The following PEPD variants were observed in gnomAD, a reference collection of about 807,000 sequenced individuals.
PEPD encodes xaa-Pro dipeptidase.
PEPD carries 53 observed loss-of-function variants against 60.7 expected under a neutral mutation model. The observed-to-expected ratio is 0.87, with a 90% CI of 0.70 to 1.10. PEPD has a LOEUF of 1.10. Among genes scored for constraint, PEPD ranks in the 50% least tolerant of loss-of-function variants. The pLI, the probability that PEPD is intolerant of heterozygous loss-of-function variation, is 0.00. For missense variants in PEPD, 711 were observed against 711.9 expected, an observed-to-expected ratio of 1.00 and a Z score of 0.01; for synonymous variants, 267 against 284.1, an observed-to-expected ratio of 0.94 and a Z score of 0.60.
intron 6 of PEPD, among the ~76,000 whole-genome samples, chr19:33,489,600 G>T (rs561973661): frequency 6.6e-6 from 1 of 152,066 alleles, no homozygotes; most frequent in South Asian, 2.1e-4. Context: ...TTGCACTCCA[G>T]CCTGGGTGAC....
chr19:33,406,205 A>G lies in PEPD; in HGVS notation c.819-4336T>C, dbSNP rs536869108. Reference sequence around the variant, plus strand: ...CTGTATTTTGCTTTTTTTGGTGACCAGTGTCTCATGATGTCTGGGAGCACC... The same window carrying G: ...CTGTATTTTGCTTTTTTTGGTGACCGGTGTCTCATGATGTCTGGGAGCACC... On this transcript the variant is annotated intron_variant, in intron 11 of 14. Transcript: ENST00000244137. Among the ~76,000 whole-genome samples the G allele has an allele frequency of 5.9e-5, 9 of 152,276 alleles. No individual in the cohort carries two copies. In the East Asian group the frequency reaches 1.7e-3, roughly 29 times the overall value.
At chr19:33,425,596 T>C (rs1320257444) in intron 9 of PEPD, among the ~76,000 whole-genome samples, 1 of 152,228 alleles carries the variant, frequency 6.6e-6, no homozygotes, top group Non-Finnish European at 1.5e-5. Context: ...ACTAGGTATT[T>C]ATCTTGAAGC....
intron 9 of PEPD, among the ~76,000 whole-genome samples, chr19:33,415,063 G>T (rs77619050): frequency 6.6e-6 from 1 of 152,162 alleles, no homozygotes; most frequent in Non-Finnish European, 1.5e-5. Flanking sequence ...AGCCCTGTGC[G>T]CCAGGCCAGA....
At chr19:33,466,163 T>C (rs1256302305) in intron 7 of PEPD, among the ~76,000 whole-genome samples, 1 of 152,160 alleles carries the variant, frequency 6.6e-6, no homozygotes, top group Non-Finnish European at 1.5e-5. Context: ...ATAAAATCAA[T>C]AGGAAGCTTA....
At chr19:33,405,248 G>T (rs376539963) in intron 11 of PEPD, among the ~76,000 whole-genome samples, 4 of 152,238 alleles carry the variant, frequency 2.6e-5, no homozygotes, top group African/African-American at 9.6e-5. Flanking sequence ...GGACCCGCCA[G>T]CCCAGAGGCA....
intron 9 of PEPD, among the ~76,000 whole-genome samples, chr19:33,446,416 G>A (rs12459662): frequency 0.085 from 12,992 of 152,208 alleles, 753 homozygotes; most frequent in Admixed American, 0.18. Flanking sequence ...CTCACCGGAC[G>A]GGTCATCCTG....
intron 7 of PEPD, among the ~76,000 whole-genome samples, chr19:33,473,620 C>T (rs149777553): frequency 5.3e-5 from 8 of 152,308 alleles, no homozygotes; most frequent in Admixed American, 2.0e-4. Context: ...GGTACTTAAC[C>T]GAAACCCAAG....
chr19:33,439,485 A>T (rs1401867347), intron 9 of PEPD, among the ~76,000 whole-genome samples: 1 of 152,216 alleles, frequency 6.6e-6, no homozygotes, highest in Non-Finnish European at 1.5e-5. Context: ...GGCCTAGGCC[A>T]GGGCGGGCTG....
chr19:33,444,104 G>A (rs1157633019), intron 9 of PEPD, among the ~76,000 whole-genome samples: 2 of 152,142 alleles, frequency 1.3e-5, no homozygotes, highest in East Asian at 3.9e-4. Context: ...GTCCTCAGGC[G>A]GGTAGGGCGA....
chr19:33,403,586 CA>C (rs1330619858), intron 11 of PEPD, among the ~76,000 whole-genome samples: 1 of 152,206 alleles, frequency 6.6e-6, no homozygotes, highest in Non-Finnish European at 1.5e-5. Context: ...GGGAGGGAGC[CA>C]GGGGGTGGAG....
intron 10 of PEPD, among the ~76,000 whole-genome samples, chr19:33,412,761 C>T (rs545554066): frequency 4.6e-5 from 7 of 152,316 alleles, no homozygotes; most frequent in African/African-American, 1.2e-4. Context: ...CGGGGACGTG[C>T]GCATTGGCAG....
intron 9 of PEPD, among the ~76,000 whole-genome samples, chr19:33,436,566 A>G (rs1397616804): frequency 4.6e-5 from 7 of 152,174 alleles, no homozygotes; most frequent in Admixed American, 4.6e-4. Context: ...GGGCTGGGAG[A>G]AGAAGATGTT....
intron 9 of PEPD, among the ~76,000 whole-genome samples, chr19:33,437,212 T>C (rs1283655924): frequency 6.6e-6 from 1 of 152,168 alleles, no homozygotes; most frequent in Non-Finnish European, 1.5e-5. Flanking sequence ...CTCTGAATGT[T>C]AGTGTCTCAA....
chr19:33,485,536 T>C (rs1055424416), intron 6 of PEPD, among the ~76,000 whole-genome samples: 2 of 148,910 alleles, frequency 1.3e-5, no homozygotes, highest in Non-Finnish European at 3.0e-5. Flanking sequence ...ATTAACTTGA[T>C]ATCCAAGTTA....
chr19:33,484,898 T>C (rs1295727368), intron 6 of PEPD, among the ~76,000 whole-genome samples: 2 of 152,244 alleles, frequency 1.3e-5, no homozygotes, highest in African/African-American at 2.4e-5. Flanking sequence ...TTTGCCTCCA[T>C]GCTGGTTAGC....
chr19:33,490,121 T>A, intron 5 of PEPD, 64 bp from the exon 6 acceptor site: 1 of 1,135,824 alleles, frequency 8.8e-7, no homozygotes, highest in Non-Finnish European at 1.3e-6. Context: ...CCTGCACCCC[T>A]GAGGCCTCCA....
intron 14 of PEPD, 85 bp downstream of exon 14, chr19:33,387,805 C>G: frequency 8.7e-7 from 1 of 1,147,346 alleles, no homozygotes; most frequent in Non-Finnish European, 1.3e-6. Flanking sequence ...GTCACTAGGG[C>G]CCCTGTCTTG....
intron 1 of PEPD, 51 bp from the exon 2 acceptor site, chr19:33,512,827 A>C: frequency 9.3e-5 from 147 of 1,584,030 alleles, no homozygotes; most frequent in Middle Eastern, 1.7e-4. Flanking sequence ...TAGCATCTCC[A>C]AGCATGCCCA....
At chr19:33,434,768 G>A (rs762333719) in intron 9 of PEPD, among the ~76,000 whole-genome samples, 6 of 152,148 alleles carry the variant, frequency 3.9e-5, no homozygotes, top group Non-Finnish European at 7.4e-5. Context: ...GTGGTCACTG[G>A]GCCTTGGGAA....
Sources: gnomAD v4.1 joint callset for allele counts (sites outside exome capture counted in the v4.1 genomes callset) on GRCh38, gnomAD v4.1.1 for gene constraint, MANE v1.5 for transcripts, NCBI Gene and HGNC (gene_info 2026-07-23, HGNC 2026-07-21) for gene names.